Variants in NRTN observed in about 807,000 individuals in gnomAD.
NRTN encodes prepro-neurturin.
In NRTN, 3 loss-of-function variants were observed where a neutral mutation model predicts 7.5. The observed-to-expected ratio is 0.40, with a 90% CI of 0.18 to 1.03. The LOEUF is 1.03. Ranked by LOEUF, NRTN falls within the 50% of genes least tolerant of loss-of-function variation. NRTN has a pLI of 0.34. For missense variants in NRTN, 310 were observed against 307.0 expected, an observed-to-expected ratio of 1.01 and a Z score of -0.07; for synonymous variants, 157 against 146.6, an observed-to-expected ratio of 1.07 and a Z score of -0.51.
intron 1 of NRTN, among the ~76,000 whole-genome samples, chr19:5,810,092 C>T (rs1285502634): frequency 6.6e-6 from 1 of 151,602 alleles, no homozygotes; most frequent in Non-Finnish European, 1.5e-5. Context: ...GGCGAAACCC[C>T]GTCTCTACTA....
chr19:5,824,531 G>A (rs994818293), intron 2 of NRTN, among the ~76,000 whole-genome samples, 197 bp downstream of exon 2: 2 of 152,186 alleles, frequency 1.3e-5, no homozygotes, highest in African/African-American at 4.8e-5. Context: ...TATAATCCCA[G>A]CACTTTGGGA....
In NRTN at chr19:5,828,010, G is replaced by T; in HGVS notation, c.431G>T (p.Gly144Val). 6.9e-7 allele frequency: 1 copy of T among 1,440,942 alleles called. No homozygotes were observed. 89.3% of individuals were successfully genotyped at this position (1,440,942 alleles called of 1,614,324 possible). Reference sequence around the variant, plus strand: ...GCTGCCGCGCGCGTCTACGACCTCGGGCTGCGACGACTGCGCCAGCGGCGG... The same window carrying T: ...GCTGCCGCGCGCGTCTACGACCTCGTGCTGCGACGACTGCGCCAGCGGCGG... ...CEAAARVYDL[G>V]LRRLRQRRRL... is the part of the protein sequence containing the mutation. The change falls in exon 3 of 3, where the codon GGG becomes GTG. Residue 144 changes from glycine to valine, a missense_variant. Physicochemically the swap from Gly to Val is moderately radical, Grantham distance 109. Coordinates refer to ENST00000303212, the MANE Select transcript of NRTN (RefSeq NM_004558.5).
rs2057056056 is a variant in NRTN, at chr19:5,828,140, C to G, written c.561C>G (p.His187Gln). Reference sequence around the variant, plus strand: ...CGCACAGCCGCTACCACACGGTGCACGAGCTGTCGGCGCGCGAGTGCGCCT... The same window carrying G: ...CGCACAGCCGCTACCACACGGTGCAGGAGCTGTCGGCGCGCGAGTGCGCCT... ...LDAHSRYHTVHELSARECACV is the reference protein window; with the variant it reads ...LDAHSRYHTVQELSARECACV The change falls in exon 3 of 3, where the codon CAC (histidine) becomes CAG (glutamine). Residue 187 changes from histidine (H) to glutamine (Q), a missense_variant. Transcript: ENST00000303212. 6.5e-7 allele frequency: 1 copy of G among 1,530,070 alleles called. No individual in the cohort carries two copies. The highest frequency in any genetic ancestry group is 8.7e-7 in the Non-Finnish European group (1 of 1,144,196). 94.8% of individuals were successfully genotyped at this position (1,530,070 alleles called of 1,614,324 possible). A position where few individuals can be genotyped will look rare whatever the true frequency, so the allele number is the denominator to read the frequency against.
intron 1 of NRTN, among the ~76,000 whole-genome samples, chr19:5,816,129 A>G (rs971761172): frequency 3.2e-4 from 48 of 149,922 alleles, no homozygotes; most frequent in African/African-American, 1.2e-3. Context: ...TCGAACTTCC[A>G]GGCTCAGGCG....
chr19:5,813,621 C>G (rs962487972), intron 1 of NRTN, among the ~76,000 whole-genome samples: 6 of 150,934 alleles, frequency 4.0e-5, no homozygotes, highest in African/African-American at 1.5e-4. Context: ...TTGCAGTGAG[C>G]TGTGATCATG....
intron 1 of NRTN, among the ~76,000 whole-genome samples, chr19:5,817,833 T>C (rs945756740): frequency 2.0e-5 from 3 of 152,312 alleles, no homozygotes; most frequent in Admixed American, 6.5e-5. Context: ...GGAGTCTTGC[T>C]CTGTCACCAA....
intron 1 of NRTN, among the ~76,000 whole-genome samples, chr19:5,820,738 GAAAAAAAAAAAAAAAAA>G (rs869276836): frequency 1.3e-4 from 5 of 39,070 alleles, no homozygotes; most frequent in African/African-American, 4.6e-4. Flanking sequence ...TCTGTCTCAA[GAAAAAAAAAAAAAAAAA>G]AAAAAAAAAA....
intron 2 of NRTN, among the ~76,000 whole-genome samples, chr19:5,825,873 G>C (rs1568400556): frequency 6.6e-6 from 1 of 152,198 alleles, no homozygotes; most frequent in South Asian, 2.1e-4. Context: ...GGTGGCTCAC[G>C]CCTGTGATCC....
intron 1 of NRTN, among the ~76,000 whole-genome samples, chr19:5,821,588 G>T (rs2057024805): frequency 6.7e-6 from 1 of 149,578 alleles, no homozygotes; most frequent in Admixed American, 6.8e-5. Flanking sequence ...CTACAGGCAT[G>T]AGCCACTGCA....
chr19:5,809,633 TG>T (rs1395872020), intron 1 of NRTN, among the ~76,000 whole-genome samples: 1 of 152,206 alleles, frequency 6.6e-6, no homozygotes, highest in Non-Finnish European at 1.5e-5. Context: ...AGCCAGGCCC[TG>T]GCACACAGTA....
Position 5,814,240 on chromosome 19 carries a change from G to A in NRTN, c.-399+8789G>A, listed in dbSNP as rs186447493. ...CTCCCATCCAGCAAAGACAGTCATG[G>A]GCACAGACACCACGCTTACAGGGCT... On this transcript the variant is annotated intron_variant, in intron 1 of 2. Coordinates refer to ENST00000303212, the MANE Select transcript of NRTN (RefSeq NM_004558.5). Among the ~76,000 whole-genome samples, 275 of 150,218 alleles carry A rather than the reference G, an allele frequency of 1.8e-3. 1 individual carries two copies. The highest frequency in any genetic ancestry group is 6.4e-3 in the African/African-American group (255 of 39,582).
At chr19:5,815,891 C>A (rs2057003819) in intron 1 of NRTN, among the ~76,000 whole-genome samples, 1 of 149,586 alleles carries the variant, frequency 6.7e-6, no homozygotes, top group African/African-American at 2.5e-5. Flanking sequence ...ATTACAGGTG[C>A]CTGTCACCGT....
intron 1 of NRTN, among the ~76,000 whole-genome samples, chr19:5,814,428 C>T (rs1375392782): frequency 2.0e-5 from 3 of 152,128 alleles, no homozygotes; most frequent in Non-Finnish European, 2.9e-5. Context: ...GAAGAGATGC[C>T]TACATGGAGA....
chr19:5,824,464 G>A (rs1047164607), intron 2 of NRTN, 130 bp downstream of exon 2: 7 of 1,178,114 alleles, frequency 5.9e-6, no homozygotes, highest in Non-Finnish European at 6.1e-6. Flanking sequence ...CCCTTGCAGG[G>A]AGGCAGGGAC....
chr19:5,816,751 A>G (rs923460091), intron 1 of NRTN, among the ~76,000 whole-genome samples: 4 of 152,108 alleles, frequency 2.6e-5, no homozygotes, highest in Non-Finnish European at 5.9e-5. Context: ...TCCTGGCCTC[A>G]AGCAATCCTC....
chr19:5,823,144 C>T (rs1056609559), intron 1 of NRTN, among the ~76,000 whole-genome samples: 7 of 151,786 alleles, frequency 4.6e-5, no homozygotes, highest in Middle Eastern at 3.4e-3. Flanking sequence ...AGGCTGGGTG[C>T]GGTGGCTCAT....
chr19:5,823,637 A>T (rs1486812450), intron 1 of NRTN, among the ~76,000 whole-genome samples, 131 bp from the exon 2 acceptor site: 1 of 152,168 alleles, frequency 6.6e-6, no homozygotes, highest in Non-Finnish European at 1.5e-5. Flanking sequence ...ACCAGCATGT[A>T]GGGAACAGTG....
At position 5,828,175 on chromosome 19, in the gene NRTN, C is replaced by T. The variant is rs1372546096; in HGVS notation, c.*2C>T. The T allele has an allele frequency of 3.3e-5, 50 of 1,530,544 alleles. No individual in the cohort carries two copies. The highest frequency in any genetic ancestry group is 4.3e-5 in the Non-Finnish European group (49 of 1,144,348). The allele number at this position is 1,530,544 out of a possible 1,614,324, so 94.8% of individuals were successfully genotyped here. A position where few individuals can be genotyped will look rare whatever the true frequency, so the allele number is the denominator to read the frequency against. On this transcript the variant is annotated 3_prime_UTR_variant, in exon 3 of 3. Coordinates refer to ENST00000303212, the MANE Select transcript of NRTN (RefSeq NM_004558.5). ...GCGCGCGAGTGCGCCTGCGTGTGAC[C>T]CTACCTCACTCGGCCGGCGCGGCGG...
At chr19:5,807,484 C>G (rs557367590) in intron 1 of NRTN, among the ~76,000 whole-genome samples, 2 of 152,254 alleles carry the variant, frequency 1.3e-5, no homozygotes, top group African/African-American at 4.8e-5. Flanking sequence ...CCCAAACCAG[C>G]CTTGCACTTG....
Sources: gnomAD v4.1 joint callset for allele counts (sites outside exome capture counted in the v4.1 genomes callset) on GRCh38, gnomAD v4.1.1 for gene constraint, MANE v1.5 for transcripts, NCBI Gene and HGNC (gene_info 2026-07-23, HGNC 2026-07-21) for gene names.